C18orf63: variants seen among roughly 807,000 people sequenced by gnomAD.
The protein encoded by C18orf63 is uncharacterized protein C18orf63.
C18orf63 carries 50 observed loss-of-function variants against 75.3 expected under a neutral mutation model. The observed-to-expected ratio is 0.66, with a 90% CI of 0.53 to 0.84. The LOEUF is 0.84. Among genes scored for constraint, C18orf63 ranks in the 40% least tolerant of loss-of-function variants. The probability of loss-of-function intolerance (pLI) is 0.00; values close to 1 mark genes in which losing one functional copy is unlikely to be tolerated. For synonymous variants in C18orf63, 232 were observed against 267.6 expected (o/e 0.87, Z 1.30); for missense variants, 732 against 800.2 (o/e 0.91, Z 1.03).
intron 6 of C18orf63, among the ~76,000 whole-genome samples, chr18:74,330,245 T>G (rs2145119981): frequency 6.6e-6 from 1 of 152,360 alleles, no homozygotes. Flanking sequence ...CATTGAATTT[T>G]AACAAACTAA....
chr18:74,350,130 G>A (rs2145131452), intron 11 of C18orf63, among the ~76,000 whole-genome samples: 1 of 152,192 alleles, frequency 6.6e-6, no homozygotes, highest in African/African-American at 2.4e-5. Flanking sequence ...TGATTTAATG[G>A]TGGTGGTCTC....
chr18:74,341,713 A>G (rs1047339114), intron 8 of C18orf63, among the ~76,000 whole-genome samples: 8 of 151,608 alleles, frequency 5.3e-5, no homozygotes, highest in African/African-American at 2.0e-4. Flanking sequence ...CACTAAGAGT[A>G]CATTTTAAGT....
chr18:74,337,252 A>T (rs1402465997), intron 7 of C18orf63, among the ~76,000 whole-genome samples: 1 of 152,108 alleles, frequency 6.6e-6, no homozygotes, highest in Non-Finnish European at 1.5e-5. Context: ...TAAATAAAGA[A>T]ATACAAAGGG....
Position 74,330,909 on chromosome 18 carries a change from A to G in C18orf63, c.468A>G (p.Ile156Met), listed in dbSNP as rs1984293757. ...CAGAAACTCAAGTTTGTCTAAGTAT[A>G]GAAGCTTGCACAATCAGACTGCCAG... ...NVTETQVCLS[I>M]EACTIRLPAP... Residue 156 changes from isoleucine (I) to methionine (M), a missense_variant, in exon 7 of 14, where the codon ATA becomes ATG. Ile to Met is a conservative substitution (Grantham distance 10, BLOSUM62 1). Coordinates refer to ENST00000579455, the MANE Select transcript of C18orf63 (RefSeq NM_001174123.2). 11 of 1,482,966 alleles carry G rather than the reference A, an allele frequency of 7.4e-6. No homozygotes were observed. Among genetic ancestry groups the G allele is most frequent in the Non-Finnish European group, 9.9e-6 (11 of 1,113,144 alleles). 91.9% of individuals were successfully genotyped at this position (1,482,966 alleles called of 1,614,324 possible).
At chr18:74,327,837 C>T in intron 4 of C18orf63, 110 bp from the exon 5 acceptor site, 1 of 659,228 alleles carries the variant, frequency 1.5e-6, no homozygotes, top group Non-Finnish European at 2.7e-6. Context: ...TTACCTAGAA[C>T]ACCCGAGTTT....
chr18:74,349,713 C>T (rs1239395534), intron 11 of C18orf63, among the ~76,000 whole-genome samples: 4 of 152,082 alleles, frequency 2.6e-5, no homozygotes, highest in Admixed American at 6.5e-5. Context: ...TTCCACAAAA[C>T]TGGTCCCTGG....
chr18:74,346,099 A>T (rs1296511189), intron 11 of C18orf63, among the ~76,000 whole-genome samples: 2 of 152,112 alleles, frequency 1.3e-5, no homozygotes, highest in Admixed American at 1.3e-4. Context: ...ATAATAGTTT[A>T]TAACTTTATG....
intron 1 of C18orf63, among the ~76,000 whole-genome samples, chr18:74,316,461 G>T (rs1286004343): frequency 1.3e-5 from 2 of 152,218 alleles, no homozygotes; most frequent in South Asian, 4.1e-4. Flanking sequence ...CGCGCCCCGG[G>T]AGGATTTTTA....
At chr18:74,345,655 T>G (rs1400151736) in intron 11 of C18orf63, among the ~76,000 whole-genome samples, 2 of 152,028 alleles carry the variant, frequency 1.3e-5, no homozygotes, top group African/African-American at 4.8e-5. Context: ...TCCCCAATAG[T>G]TTTTCTCCCC....
At chr18:74,326,530 A>G (rs1984211257) in intron 4 of C18orf63, among the ~76,000 whole-genome samples, 1 of 152,156 alleles carries the variant, frequency 6.6e-6, no homozygotes, top group African/African-American at 2.4e-5. Context: ...TTCGCACTGA[A>G]AACTCTAGCT....
At chr18:74,346,514 G>A (rs901873314) in intron 11 of C18orf63, among the ~76,000 whole-genome samples, 2 of 152,172 alleles carry the variant, frequency 1.3e-5, no homozygotes, top group Non-Finnish European at 2.9e-5. Flanking sequence ...AGAAGGGAGA[G>A]TGAGTGGACA....
At chr18:74,335,201 G>A (rs1984371608) in intron 7 of C18orf63, among the ~76,000 whole-genome samples, 1 of 152,134 alleles carries the variant, frequency 6.6e-6, no homozygotes, top group Non-Finnish European at 1.5e-5. Context: ...GGAATGAATG[G>A]AGCATTGACT....
At chr18:74,319,326 T>G (rs1984080151) in intron 2 of C18orf63, among the ~76,000 whole-genome samples, 1 of 152,160 alleles carries the variant, frequency 6.6e-6, no homozygotes, top group Non-Finnish European at 1.5e-5. Context: ...TGGCAGGCCT[T>G]GCCAAGGCAA....
chr18:74,317,788 A>T, intron 1 of C18orf63, 46 bp from the exon 2 acceptor site: 1 of 1,159,240 alleles, frequency 8.6e-7, no homozygotes, highest in Non-Finnish European at 1.2e-6. Flanking sequence ...TTGGAACTCT[A>T]TTGGTAAGAT....
chr18:74,354,568 G>A, intron 13 of C18orf63, 22 bp downstream of exon 13: 2 of 1,168,874 alleles, frequency 1.7e-6, no homozygotes, highest in South Asian at 2.9e-5. Flanking sequence ...GATAGCTTTT[G>A]ATTTGTTTTT....
At chr18:74,319,972 C>G (rs1358529106) in intron 2 of C18orf63, among the ~76,000 whole-genome samples, 1 of 152,176 alleles carries the variant, frequency 6.6e-6, no homozygotes, top group East Asian at 1.9e-4. Context: ...GCCTGAGTAC[C>G]TACACCTACA....
chr18:74,346,512 G>A (rs1984578154), intron 11 of C18orf63, among the ~76,000 whole-genome samples: 2 of 152,288 alleles, frequency 1.3e-5, no homozygotes, highest in Non-Finnish European at 2.9e-5. Context: ...TTAGAAGGGA[G>A]AGTGAGTGGA....
At chr18:74,335,418 T>G (rs1984375621) in intron 7 of C18orf63, among the ~76,000 whole-genome samples, 1 of 152,058 alleles carries the variant, frequency 6.6e-6, no homozygotes, top group Non-Finnish European at 1.5e-5. Flanking sequence ...ATAAAAAAAT[T>G]TAAGAGGTAA....
At chr18:74,329,384 A>AC (rs1330329982) in intron 6 of C18orf63, among the ~76,000 whole-genome samples, 2 of 151,740 alleles carry the variant, frequency 1.3e-5, no homozygotes, top group Non-Finnish European at 2.9e-5. Context: ...AAAAAAAAAA[A>AC]AAAAAAAAAA....
Sources: gnomAD v4.1 joint callset for allele counts (sites outside exome capture counted in the v4.1 genomes callset) on GRCh38, gnomAD v4.1.1 for gene constraint, MANE v1.5 for transcripts, NCBI Gene and HGNC (gene_info 2026-07-23, HGNC 2026-07-21) for gene names.